The following SPAG16 variants were observed in gnomAD, a reference collection of about 807,000 sequenced individuals.
SPAG16 encodes sperm-associated antigen 16 protein.
SPAG16 carries 86 observed loss-of-function variants against 80.4 expected under a neutral mutation model. The observed-to-expected ratio is 1.07, with a 90% CI of 0.90 to 1.28. The LOEUF is 1.28. Ranked by LOEUF, SPAG16 falls within the 50% of genes most tolerant of loss-of-function variation. The pLI, the probability that SPAG16 is intolerant of heterozygous loss-of-function variation, is 0.00. For missense variants in SPAG16, 870 were observed against 765.3 expected (o/e 1.14, Z -1.61); for synonymous variants, 294 against 265.9 (o/e 1.11, Z -1.03).
intron 9 of SPAG16, among the ~76,000 whole-genome samples, chr2:213,480,413 A>G (rs1325986339): frequency 6.6e-6 from 1 of 152,238 alleles, no homozygotes; most frequent in Non-Finnish European, 1.5e-5. Flanking sequence ...GAGGAATGGA[A>G]GCAGATTAAA....
chr2:213,754,486 T>A (rs960997054), intron 10 of SPAG16, among the ~76,000 whole-genome samples: 1 of 152,214 alleles, frequency 6.6e-6, no homozygotes, highest in African/African-American at 2.4e-5. Context: ...AATGTGCTTT[T>A]CATGACAAGT....
chr2:213,419,150 G>GT (rs1214474798), intron 9 of SPAG16, among the ~76,000 whole-genome samples: 3 of 139,798 alleles, frequency 2.1e-5, no homozygotes, highest in Non-Finnish European at 5.0e-5. Context: ...AAGCTTACCT[G>GT]TTTTTTTCCT....
At chr2:214,384,236 C>T (rs1700622187) in intron 15 of SPAG16, among the ~76,000 whole-genome samples, 2 of 152,140 alleles carry the variant, frequency 1.3e-5, no homozygotes, top group Non-Finnish European at 2.9e-5. Flanking sequence ...CATGACAATG[C>T]CTATCTGCAC....
At chr2:213,876,345 A>G (rs1027972506) in intron 11 of SPAG16, among the ~76,000 whole-genome samples, 5 of 150,986 alleles carry the variant, frequency 3.3e-5, no homozygotes, top group African/African-American at 1.2e-4. Context: ...AAGAAAAAGA[A>G]TCTTTGTGTA....
chr2:214,269,184 A>G (rs192767179), intron 15 of SPAG16, among the ~76,000 whole-genome samples: 6 of 152,160 alleles, frequency 3.9e-5, no homozygotes, highest in African/African-American at 7.2e-5. Flanking sequence ...CAAAATTAGC[A>G]TATCATAATC....
chr2:213,701,573 G>A lies in SPAG16; in HGVS notation c.1071-160912G>A, dbSNP rs377481705. 7.2e-5 allele frequency among the ~76,000 whole-genome samples: 11 copies of A among 152,244 alleles called. No homozygotes were observed. In the South Asian group the frequency reaches 1.9e-3, roughly 26 times the overall value. On this transcript the variant is annotated intron_variant, in intron 10 of 15. Transcript: ENST00000331683. The stretch of plus-strand genomic sequence containing the variant: ...GGTGTGGAGGGCGCTGCTCTGTGGC[G>A]CCTGGTCCCATCGACCTTCCAAGGG...
chr2:213,945,432 TC>T (rs887402263), intron 12 of SPAG16, among the ~76,000 whole-genome samples: 1 of 151,808 alleles, frequency 6.6e-6, no homozygotes, highest in Non-Finnish European at 1.5e-5. Flanking sequence ...GGAGACCCAG[TC>T]CGAGTCTCAA....
At chr2:214,303,511 T>C (rs1694702360) in intron 15 of SPAG16, among the ~76,000 whole-genome samples, 1 of 152,240 alleles carries the variant, frequency 6.6e-6, no homozygotes, top group Non-Finnish European at 1.5e-5. Flanking sequence ...AGGTATTTTC[T>C]TAATAGGTAA....
At chr2:213,447,320 A>G (rs1217135782) in intron 9 of SPAG16, among the ~76,000 whole-genome samples, 1 of 152,142 alleles carries the variant, frequency 6.6e-6, no homozygotes, top group Non-Finnish European at 1.5e-5. Flanking sequence ...GATATTCCCC[A>G]TTCTGAGCCC....
At chr2:214,047,917 G>A (rs2049424658) in intron 13 of SPAG16, among the ~76,000 whole-genome samples, 1 of 152,098 alleles carries the variant, frequency 6.6e-6, no homozygotes, top group African/African-American at 2.4e-5. Flanking sequence ...ACATACAGAT[G>A]GCAAACAGGT....
chr2:213,322,423 T>G (rs2063666335), intron 5 of SPAG16, among the ~76,000 whole-genome samples: 1 of 151,588 alleles, frequency 6.6e-6, no homozygotes, highest in Non-Finnish European at 1.5e-5. Flanking sequence ...CATCTTGCAG[T>G]CTGACTTTCA....
chr2:214,404,128 C>T (rs1175043125), intron 15 of SPAG16, among the ~76,000 whole-genome samples: 6 of 152,096 alleles, frequency 3.9e-5, no homozygotes, highest in Non-Finnish European at 8.8e-5. Context: ...ATGGAGAGCA[C>T]AGAGTTCATG....
chr2:213,328,362 T>C (rs1304073061), intron 5 of SPAG16, among the ~76,000 whole-genome samples: 1 of 142,528 alleles, frequency 7.0e-6, no homozygotes, highest in East Asian at 1.9e-4. Context: ...CATTGATCCT[T>C]TTTCAAAACA....
At chr2:213,678,908 G>A (rs1185431926) in intron 10 of SPAG16, among the ~76,000 whole-genome samples, 1 of 152,102 alleles carries the variant, frequency 6.6e-6, no homozygotes, top group African/African-American at 2.4e-5. Flanking sequence ...CTTGTGTTGT[G>A]GTTCCTTTAC....
intron 12 of SPAG16, among the ~76,000 whole-genome samples, chr2:213,980,725 T>TAGAGAGAGAGAGAGAGAGAG (rs1553686631): frequency 1.9e-5 from 2 of 103,992 alleles, no homozygotes; most frequent in East Asian, 2.9e-4. Context: ...TATATATATA[T>TAGAGAGAGAGAGAGAGAGAG]AGAGAGAGAG....
At chr2:214,246,126 CAA>C (rs912935325) in intron 15 of SPAG16, among the ~76,000 whole-genome samples, 1 of 146,440 alleles carries the variant, frequency 6.8e-6, no homozygotes, top group Non-Finnish European at 1.5e-5. Flanking sequence ...TGTTGACAAA[CAA>C]AAAAAAAATG....
chr2:214,371,172 C>T (rs545003422), intron 15 of SPAG16, among the ~76,000 whole-genome samples: 1 of 152,208 alleles, frequency 6.6e-6, no homozygotes, highest in East Asian at 1.9e-4. Context: ...TGAGGTTGCT[C>T]TAATATATAT....
At chr2:213,652,085 A>T (rs1216851591) in intron 10 of SPAG16, among the ~76,000 whole-genome samples, 1 of 152,190 alleles carries the variant, frequency 6.6e-6, no homozygotes, top group South Asian at 2.1e-4. Context: ...TTAAAAGCAC[A>T]GGCTCTGGAT....
intron 10 of SPAG16, among the ~76,000 whole-genome samples, chr2:213,632,311 G>T (rs1488983317): frequency 6.6e-6 from 1 of 151,848 alleles, no homozygotes; most frequent in Non-Finnish European, 1.5e-5. Flanking sequence ...ATTGATATTT[G>T]TCTGTTGATT....
Sources: gnomAD v4.1 joint callset for allele counts (sites outside exome capture counted in the v4.1 genomes callset) on GRCh38, gnomAD v4.1.1 for gene constraint, MANE v1.5 for transcripts, NCBI Gene and HGNC (gene_info 2026-07-23, HGNC 2026-07-21) for gene names.